Variants in COBLL1 observed in about 807,000 individuals in gnomAD.
COBLL1 encodes cordon-bleu WH2 repeat protein like 1.
A neutral mutation model predicts 94.8 loss-of-function variants in COBLL1; 50 were observed. The ratio of observed to expected loss-of-function variants is 0.53; its 90% CI spans 0.42 to 0.67. COBLL1 has a LOEUF of 0.67. COBLL1 is among the 30% of genes least tolerant of loss of function. The probability of loss-of-function intolerance (pLI) is 0.00; values close to 1 mark genes in which losing one functional copy is unlikely to be tolerated. For synonymous variants in COBLL1, 448 were observed against 473.8 expected (o/e 0.95, Z 0.71); for missense variants, 1,362 against 1,348.7 (o/e 1.01, Z -0.15).
rs1488347840 is a variant in COBLL1 at position 164,743,875 on chromosome 2, C to T, written c.42G>A (p.Arg14=). The T allele has an allele frequency of 1.3e-6, 2 of 1,512,792 alleles. No individual in the cohort carries two copies. The highest frequency in any genetic ancestry group is 1.8e-6 in the Non-Finnish European group (2 of 1,128,840). The allele number at this position is 1,512,792 out of a possible 1,614,324, so 93.7% of individuals were successfully genotyped here. The part of the protein sequence containing the change: ...RTPRPQDAPA[R]RKPKAKAPLP... Reference sequence around the variant, plus strand: ...GTGGTGCCTTGGCTTTTGGTTTTCTCCTAAAATATAAAGAAAACACAAAAA... The same window carrying T: ...GTGGTGCCTTGGCTTTTGGTTTTCTTCTAAAATATAAAGAAAACACAAAAA... Residue 14 remains arginine, a splice_region_variant and synonymous_variant, in exon 3 of 14, where the codon AGG becomes AGA. Transcript: ENST00000652658.
At chr2:164,730,468 A>G (rs1420543176) in intron 3 of COBLL1, among the ~76,000 whole-genome samples, 1 of 152,074 alleles carries the variant, frequency 6.6e-6, no homozygotes, top group African/African-American at 2.4e-5. Flanking sequence ...ACTGCACTCC[A>G]GCCTGGGCAA....
chr2:164,828,912 G>A (rs1474670915), intron 2 of COBLL1, among the ~76,000 whole-genome samples: 3 of 152,116 alleles, frequency 2.0e-5, no homozygotes, highest in African/African-American at 7.2e-5. Context: ...GACGGTGCTA[G>A]TTTAGAATGC....
rs547352102 is a variant in COBLL1 at position 164,742,857 on chromosome 2, AAGAG to A, written c.230+826_230+829del. Among the ~76,000 whole-genome samples the A allele has an allele frequency of 2.2e-4, 33 of 151,410 alleles. No homozygotes were observed. The South Asian group carries it at 5.9e-3, about 27-fold the overall frequency. ...TATACACAACACACACACACAGAGA[AAGAG>A]AGAGAGAGAGCGAGCGAGCGAGCTA... On this transcript the variant is annotated intron_variant, in intron 3 of 13. Transcript: ENST00000652658.
chr2:164,768,563 A>G (rs1230835630), intron 2 of COBLL1, among the ~76,000 whole-genome samples: 1 of 152,094 alleles, frequency 6.6e-6, no homozygotes, highest in Non-Finnish European at 1.5e-5. Flanking sequence ...CTTTCCAGAA[A>G]CCATTTTTAT....
At chr2:164,803,957 G>C (rs1683957583) in intron 2 of COBLL1, among the ~76,000 whole-genome samples, 1 of 152,036 alleles carries the variant, frequency 6.6e-6, no homozygotes, top group South Asian at 2.1e-4. Context: ...TAATGAGACA[G>C]ACACAGGCTA....
intron 2 of COBLL1, among the ~76,000 whole-genome samples, chr2:164,774,719 CAACA>C (rs1688378025): frequency 6.6e-6 from 1 of 152,118 alleles, no homozygotes; most frequent in Admixed American, 6.6e-5. Context: ...TCTGTCTCCA[CAACA>C]AACATTTTTA....
chr2:164,812,532 G>A (rs189601307), intron 2 of COBLL1, among the ~76,000 whole-genome samples: 38 of 152,086 alleles, frequency 2.5e-4, no homozygotes, highest in African/African-American at 6.7e-4. Context: ...GGCAACAACA[G>A]ACTAATGGTT....
chr2:164,797,789 C>T (rs1243691993), intron 2 of COBLL1, among the ~76,000 whole-genome samples: 2 of 152,220 alleles, frequency 1.3e-5, no homozygotes. Flanking sequence ...ACACCTTCTT[C>T]CTCCTTGCAA....
chr2:164,806,731 ACT>A (rs1208915908), intron 2 of COBLL1, among the ~76,000 whole-genome samples: 1 of 152,062 alleles, frequency 6.6e-6, no homozygotes, highest in Non-Finnish European at 1.5e-5. Context: ...ACAGGGTCCC[ACT>A]CTGTCACCCA....
intron 2 of COBLL1, among the ~76,000 whole-genome samples, chr2:164,661,546 A>C (rs2105382435): frequency 1.3e-5 from 2 of 152,266 alleles, no homozygotes; most frequent in South Asian, 4.1e-4. Flanking sequence ...ATTAAACATG[A>C]TGTAATTTAG....
chr2:164,763,178 C>G (rs1467840805), intron 2 of COBLL1, among the ~76,000 whole-genome samples: 1 of 152,046 alleles, frequency 6.6e-6, no homozygotes, highest in Non-Finnish European at 1.5e-5. Context: ...CTCACTGATT[C>G]CTGGCATAAA....
At chr2:164,784,066 G>A (rs895421837) in intron 2 of COBLL1, among the ~76,000 whole-genome samples, 1 of 152,086 alleles carries the variant, frequency 6.6e-6, no homozygotes, top group South Asian at 2.1e-4. Context: ...TGGCAAGACC[G>A]GAGTCCAGGC....
intron 2 of COBLL1, among the ~76,000 whole-genome samples, chr2:164,790,514 C>T (rs61305746): frequency 6.6e-6 from 1 of 152,002 alleles, no homozygotes; most frequent in East Asian, 1.9e-4. Context: ...AAATGTCACA[C>T]GCAATCTTGT....
At chr2:164,698,394 A>G (rs1684063650) in intron 11 of COBLL1, 1 of 149,764 alleles carries the variant, frequency 6.7e-6, no homozygotes, top group African/African-American at 2.4e-5. Context: ...AATTATATAT[A>G]TATATAATTA....
chr2:164,707,553 G>T (rs1395860388), intron 7 of COBLL1, among the ~76,000 whole-genome samples: 1 of 152,102 alleles, frequency 6.6e-6, no homozygotes, highest in East Asian at 1.9e-4. Flanking sequence ...CTATACAGTT[G>T]ACTTATTTGC....
chr2:164,778,498 G>A (rs1430794063), intron 2 of COBLL1, among the ~76,000 whole-genome samples: 1 of 152,112 alleles, frequency 6.6e-6, no homozygotes, highest in Non-Finnish European at 1.5e-5. Flanking sequence ...AGCTACTCAA[G>A]AGGCTGAGGC....
intron 7 of COBLL1, among the ~76,000 whole-genome samples, chr2:164,712,119 A>C (rs1379110067): frequency 2.0e-5 from 3 of 152,230 alleles, no homozygotes; most frequent in Non-Finnish European, 4.4e-5. Flanking sequence ...TGAAGAAAAT[A>C]GAATCAAACG....
chr2:164,795,637 T>C (rs942607790), intron 2 of COBLL1, among the ~76,000 whole-genome samples: 3 of 152,242 alleles, frequency 2.0e-5, no homozygotes, highest in African/African-American at 7.2e-5. Flanking sequence ...ATACAGAACA[T>C]ACATCTACAA....
At chr2:164,818,012 T>C (rs1684863658) in intron 2 of COBLL1, among the ~76,000 whole-genome samples, 1 of 152,026 alleles carries the variant, frequency 6.6e-6, no homozygotes. Context: ...TATTTACTTT[T>C]TCATATTAAT....
Sources: gnomAD v4.1 joint callset for allele counts (sites outside exome capture counted in the v4.1 genomes callset) on GRCh38, gnomAD v4.1.1 for gene constraint, MANE v1.5 for transcripts, NCBI Gene and HGNC (gene_info 2026-07-23, HGNC 2026-07-21) for gene names.